The following ENSA variants were observed in gnomAD, a reference collection of about 807,000 sequenced individuals.
The protein encoded by ENSA is alpha-endosulfine.
Under a neutral mutation model 16.8 loss-of-function variants are expected in ENSA, and 7 were observed. The ratio of observed to expected loss-of-function variants is 0.42; its 90% CI spans 0.24 to 0.78. The LOEUF (loss-of-function observed/expected upper bound fraction) is 0.78, where lower values mean the gene tolerates loss of function less well. ENSA is among the 30% of genes least tolerant of loss of function. The pLI, the probability that ENSA is intolerant of heterozygous loss-of-function variation, is 0.29. For missense variants in ENSA, 87 were observed against 142.3 expected, an observed-to-expected ratio of 0.61 and a Z score of 1.98; for synonymous variants, 58 against 53.4, an observed-to-expected ratio of 1.09 and a Z score of -0.37.
chr1:150,624,097 T>C (rs1649144703), intron 3 of ENSA: 1 of 985,420 alleles, frequency 1.0e-6, no homozygotes, highest in Non-Finnish European at 1.2e-6. Flanking sequence ...AACTAGCAAG[T>C]TGCGTTCAAT....
At chr1:150,624,013 G>A in intron 3 of ENSA, 2 of 985,424 alleles carry the variant, frequency 2.0e-6, no homozygotes, top group Non-Finnish European at 2.4e-6. Flanking sequence ...CAGAATTTGT[G>A]ATGTGAGAGG....
intron 3 of ENSA, among the ~76,000 whole-genome samples, 167 bp from the exon 4 acceptor site, chr1:150,623,026 A>T (rs1289155659): frequency 6.6e-6 from 1 of 152,202 alleles, no homozygotes; most frequent in Non-Finnish European, 1.5e-5. Context: ...TGCAAAAAAA[A>T]TCAAAAAATA....
intron 3 of ENSA, chr1:150,623,202 A>G: frequency 9.1e-7 from 1 of 1,101,642 alleles, no homozygotes; most frequent in African/African-American, 1.6e-5. Context: ...AGGCATGGCC[A>G]CAGCTACTTG....
intron 1 of ENSA, 124 bp from the exon 2 acceptor site, chr1:150,627,716 C>T: frequency 9.9e-7 from 1 of 1,011,796 alleles, no homozygotes; most frequent in Non-Finnish European, 1.4e-6. Context: ...GCTATCTCTA[C>T]TCTGCTGTTA....
At chr1:150,629,120 C>T in intron 1 of ENSA, 4 of 1,614,206 alleles carry the variant, frequency 2.5e-6, no homozygotes, top group Non-Finnish European at 2.5e-6. Flanking sequence ...TTTCCATTCA[C>T]CGTCTTTCCA....
At chr1:150,624,053 G>A in intron 3 of ENSA, 3 of 985,422 alleles carry the variant, frequency 3.0e-6, no homozygotes, top group Non-Finnish European at 2.4e-6. Flanking sequence ...TTGCTCTCTT[G>A]AGCATTAGTT....
chr1:150,624,155 C>T, intron 3 of ENSA: 8 of 985,462 alleles, frequency 8.1e-6, no homozygotes, highest in Non-Finnish European at 9.6e-6. Flanking sequence ...TGCTGGTCAC[C>T]TGCAACCCCT....
chr1:150,626,526 C>A, intron 2 of ENSA: 2 of 1,613,346 alleles, frequency 1.2e-6, no homozygotes, highest in Non-Finnish European at 1.7e-6. Context: ...GATTTATAAT[C>A]CTACAGTCAT....
chr1:150,622,999 C>T (rs921626085), intron 3 of ENSA, 140 bp from the exon 4 acceptor site: 65 of 1,195,192 alleles, frequency 5.4e-5, no homozygotes, highest in Admixed American at 1.2e-4. Flanking sequence ...ATGTCTCAAT[C>T]CTATCCATAA....
chr1:150,622,843 A>T lies in ENSA; in HGVS notation c.*1T>A, dbSNP rs1490258956. 55 of 1,559,072 alleles carry T rather than the reference A, an allele frequency of 3.5e-5. No homozygotes were observed. Among genetic ancestry groups the T allele is most frequent in the Non-Finnish European group, 4.7e-5 (54 of 1,151,418 alleles). On this transcript the variant is annotated 3_prime_UTR_variant, in exon 4 of 4. Coordinates refer to ENST00000369014, the MANE Select transcript of ENSA (RefSeq NM_004436.4). The stretch of plus-strand genomic sequence containing the variant: ...AGGATCTGGCAGAGCCCCGGGCAGC[A>T]TCATTCAACTTGGCCACTGCGGACG...
chr1:150,624,599 T>G, intron 3 of ENSA: 8 of 985,854 alleles, frequency 8.1e-6, no homozygotes, highest in Non-Finnish European at 8.4e-6. Flanking sequence ...CCCTCAAGAC[T>G]GTGATATCTA....
intron 1 of ENSA, chr1:150,628,868 C>A: frequency 1.6e-6 from 1 of 614,500 alleles, no homozygotes; most frequent in Non-Finnish European, 2.9e-6. Flanking sequence ...TGGGTCCTCA[C>A]TGAAGGTGAG....
chr1:150,624,228 T>C, intron 3 of ENSA: 14 of 984,344 alleles, frequency 1.4e-5, no homozygotes, highest in Non-Finnish European at 1.7e-5. Flanking sequence ...GCTGGGTTGC[T>C]GAGTTCTGGG....
chr1:150,625,473 T>A (rs781072684), intron 3 of ENSA, 169 bp downstream of exon 3: 32 of 1,333,100 alleles, frequency 2.4e-5, no homozygotes, highest in Non-Finnish European at 2.9e-5. Flanking sequence ...ATAAATAAAC[T>A]TAGAGCCCCT....
intron 3 of ENSA, chr1:150,623,941 C>T (rs1469369572): frequency 2.0e-5 from 20 of 985,162 alleles, no homozygotes; most frequent in Admixed American, 6.2e-5. Context: ...CACACCTCAT[C>T]CCCCCACATG....
chr1:150,625,888 T>TGCACA, intron 2 of ENSA, 80 bp from the exon 3 acceptor site: 1 of 1,497,878 alleles, frequency 6.7e-7, no homozygotes, highest in Non-Finnish European at 8.9e-7. Flanking sequence ...CTCACATCCA[T>TGCACA]TATAAACCCT....
In ENSA at chr1:150,625,936, T is replaced by C. The variant is rs587628485; in HGVS notation, c.184-128A>G. ...GATCTTTCAAGAAGTCTTCCTTGAT[T>C]AACCTCATGCATACACAGTTTAACA... On this transcript the variant is annotated intron_variant, in intron 2 of 3. Transcript: ENST00000369014. 1.2e-5 allele frequency: 17 copies of C among 1,398,388 alleles called. No homozygotes were observed. The South Asian group carries it at 2.6e-4, about 21-fold the overall frequency. 86.6% of individuals were successfully genotyped at this position (1,398,388 alleles called of 1,614,324 possible). A position where few individuals can be genotyped will look rare whatever the true frequency, so the allele number is the denominator to read the frequency against.
intron 1 of ENSA, among the ~76,000 whole-genome samples, chr1:150,628,169 T>C (rs951450898): frequency 4.6e-5 from 7 of 152,138 alleles, no homozygotes; most frequent in African/African-American, 1.7e-4. Flanking sequence ...GTTTCCTCCT[T>C]ATTTTTTTCT....
chr1:150,623,509 G>C (rs1452682172), intron 3 of ENSA: 2 of 985,688 alleles, frequency 2.0e-6, no homozygotes, highest in East Asian at 2.3e-4. Context: ...CTAAAAATCA[G>C]ACTCATTGTG....
Sources: allele counts gnomAD v4.1 joint callset (sites outside exome capture counted in the v4.1 genomes callset), GRCh38; gene constraint gnomAD v4.1.1; transcripts MANE v1.5; gene names NCBI Gene and HGNC (gene_info 2026-07-23, HGNC 2026-07-21).